Variants in DNAJB14 observed in about 807,000 individuals in gnomAD.
DNAJB14 encodes the protein DnaJ heat shock protein family (Hsp40) member B14, also known as dnaJ homolog subfamily B member 14.
DNAJB14 carries 22 observed loss-of-function variants against 48.4 expected under a neutral mutation model. The observed-to-expected ratio is 0.45, with a 90% CI of 0.32 to 0.65. The LOEUF is 0.65. DNAJB14 is among the 30% of genes least tolerant of loss of function. The pLI, the probability that DNAJB14 is intolerant of heterozygous loss-of-function variation, is 0.03. For missense variants in DNAJB14, 319 were observed against 458.8 expected (o/e 0.70, Z 2.78); for synonymous variants, 142 against 158.7 (o/e 0.89, Z 0.79).
chr4:99,938,225 A>T (rs1253521072), intron 1 of DNAJB14, among the ~76,000 whole-genome samples: 22 of 139,934 alleles, frequency 1.6e-4, no homozygotes, highest in African/African-American at 4.4e-4. Flanking sequence ...AGCAGAAATT[A>T]AAAAAAAAAA....
intron 1 of DNAJB14, among the ~76,000 whole-genome samples, chr4:99,940,491 T>A (rs918638625): frequency 6.6e-5 from 10 of 152,188 alleles, no homozygotes; most frequent in African/African-American, 2.4e-4. Context: ...ACTCGGAGGC[T>A]GAGGCAAGAT....
chr4:99,901,253 A>G, intron 7 of DNAJB14, 101 bp from the exon 8 acceptor site: 1 of 1,055,016 alleles, frequency 9.5e-7, no homozygotes, highest in Non-Finnish European at 1.3e-6. Context: ...ATATATTTTG[A>G]TTAACTGACT....
At position 99,897,716 on chromosome 4, in the gene DNAJB14, T is replaced by C. The variant is rs1725176922; in HGVS notation, c.*3312A>G. On this transcript the variant is annotated 3_prime_UTR_variant, in exon 8 of 8. Coordinates refer to ENST00000442697, the MANE Select transcript of DNAJB14 (RefSeq NM_001031723.4). ...AATTAAAATAAAGATTTATTGTTGA[T>C]TTTCATTAGTTTTTCTGTTCAGATA... 1 of 152,082 alleles carries C rather than the reference T, an allele frequency of 6.6e-6. No individual in the cohort carries two copies. Among genetic ancestry groups the C allele is most frequent in the African/African-American group, 2.4e-5 (1 of 41,450 alleles). The allele number at this position is 152,082 out of a possible 1,614,324, so 9.4% of individuals were successfully genotyped here.
At chr4:99,946,344 C>T (rs1341213187) in intron 1 of DNAJB14, 95 bp downstream of exon 1, 9 of 1,528,464 alleles carry the variant, frequency 5.9e-6, no homozygotes, top group Non-Finnish European at 7.9e-6. Flanking sequence ...GCCGGGGGCC[C>T]CGCAGGCCTC....
intron 3 of DNAJB14, among the ~76,000 whole-genome samples, chr4:99,912,581 G>A (rs1292797641): frequency 1.3e-5 from 2 of 152,082 alleles, no homozygotes; most frequent in African/African-American, 2.4e-5. Context: ...CCAGGTTCAA[G>A]TGATTCTCCT....
chr4:99,905,825 C>A (rs1374562261), intron 5 of DNAJB14, 119 bp from the exon 6 acceptor site: 1 of 1,283,320 alleles, frequency 7.8e-7, no homozygotes, highest in Non-Finnish European at 1.1e-6. Flanking sequence ...TCAGTGCTTT[C>A]AAATCTGCGT....
intron 2 of DNAJB14, chr4:99,924,623 T>A: frequency 2.0e-6 from 2 of 1,007,090 alleles, no homozygotes; most frequent in Middle Eastern, 4.3e-4. Context: ...GCCCAGACAG[T>A]GTTCTAGGCA....
intron 5 of DNAJB14, chr4:99,906,095 T>C: frequency 7.6e-7 from 1 of 1,313,782 alleles, no homozygotes; most frequent in Non-Finnish European, 9.9e-7. Flanking sequence ...GGGCCAGGCC[T>C]TTTAATTTCT....
chr4:99,943,241 G>T (rs1383548150), intron 1 of DNAJB14, among the ~76,000 whole-genome samples: 1 of 152,108 alleles, frequency 6.6e-6, no homozygotes, highest in African/African-American at 2.4e-5. Context: ...ATCTGCATCT[G>T]AACTAAGGTT....
chr4:99,915,402 G>A (rs1725819848), intron 3 of DNAJB14, among the ~76,000 whole-genome samples: 1 of 152,158 alleles, frequency 6.6e-6, no homozygotes, highest in Non-Finnish European at 1.5e-5. Flanking sequence ...CTCCCAAAGT[G>A]CTGGGATCAC....
chr4:99,937,589 G>C (rs770529547), intron 1 of DNAJB14, among the ~76,000 whole-genome samples: 11 of 151,794 alleles, frequency 7.2e-5, no homozygotes, highest in Middle Eastern at 3.5e-3. Flanking sequence ...AGCCAGGCAT[G>C]GTGGCATACG....
chr4:99,901,664 G>A (rs1725299534), intron 7 of DNAJB14, among the ~76,000 whole-genome samples: 1 of 152,038 alleles, frequency 6.6e-6, no homozygotes, highest in Non-Finnish European at 1.5e-5. Flanking sequence ...CTTGTTATAC[G>A]ATCGTAATAT....
chr4:99,926,484 T>C (rs1479742308), intron 2 of DNAJB14: 1 of 152,148 alleles, frequency 6.6e-6, no homozygotes, highest in Non-Finnish European at 1.5e-5. Flanking sequence ...GAGGTACGAA[T>C]ATGGCAGACA....
chr4:99,899,190 C>T lies in DNAJB14; in HGVS notation c.*1838G>A, dbSNP rs899558030. 2.6e-5 allele frequency: 4 copies of T among 151,786 alleles called. No homozygotes were observed. The highest frequency in any genetic ancestry group is 7.2e-5 in the African/African-American group (3 of 41,382). 9.4% of individuals were successfully genotyped at this position (151,786 alleles called of 1,614,324 possible). On this transcript the variant is annotated 3_prime_UTR_variant, in exon 8 of 8. Transcript: ENST00000442697. ...GAATCAGTCAACAAGAAGGTAAGTT[C>T]ACAGAATTATCAGCCATAATAGTGT...
intron 7 of DNAJB14, among the ~76,000 whole-genome samples, chr4:99,903,364 A>C (rs1420494143): frequency 1.3e-5 from 2 of 152,090 alleles, no homozygotes; most frequent in Admixed American, 1.3e-4. Context: ...TTAACTCTGA[A>C]AACAGTATGC....
intron 1 of DNAJB14, among the ~76,000 whole-genome samples, chr4:99,941,365 A>C (rs1398629215): frequency 6.6e-6 from 1 of 152,212 alleles, no homozygotes; most frequent in African/African-American, 2.4e-5. Context: ...CTTATGCTCA[A>C]ATAATTACTT....
intron 5 of DNAJB14, 41 bp downstream of exon 5, chr4:99,906,476 G>T: frequency 6.4e-7 from 1 of 1,574,146 alleles, no homozygotes; most frequent in Non-Finnish European, 8.7e-7. Flanking sequence ...CTTTTCCTGA[G>T]CTGAAATTTG....
chr4:99,924,841 CTAA>C, intron 2 of DNAJB14: 2 of 1,498,056 alleles, frequency 1.3e-6, no homozygotes, highest in Non-Finnish European at 1.9e-6. Context: ...TATTCTATAA[CTAA>C]TTTGACTGCA....
At chr4:99,904,851 A>G (rs1263157767) in intron 6 of DNAJB14, among the ~76,000 whole-genome samples, 2 of 152,114 alleles carry the variant, frequency 1.3e-5, no homozygotes, top group Non-Finnish European at 2.9e-5. Context: ...CCATGATTTC[A>G]TGTCACAAAA....
Sources: allele counts gnomAD v4.1 joint callset (sites outside exome capture counted in the v4.1 genomes callset), GRCh38; gene constraint gnomAD v4.1.1; transcripts MANE v1.5; gene names NCBI Gene and HGNC (gene_info 2026-07-23, HGNC 2026-07-21).